DPH6: variants seen among roughly 807,000 people sequenced by gnomAD.
DPH6 encodes the protein diphthamine biosynthesis 6.
Under a neutral mutation model 38.2 loss-of-function variants are expected in DPH6, and 33 were observed. The observed-to-expected ratio is 0.86, with a 90% CI of 0.65 to 1.15. DPH6 has a LOEUF of 1.15. Among genes scored for constraint, DPH6 ranks in the 50% most tolerant of loss-of-function variants. DPH6 has a pLI of 0.00. For missense variants in DPH6, 325 were observed against 320.0 expected, an observed-to-expected ratio of 1.02 and a Z score of -0.12; for synonymous variants, 108 against 103.0, an observed-to-expected ratio of 1.05 and a Z score of -0.30.
chr15:35,193,841 C>T, the DPH6 span, among the ~76,000 whole-genome samples: 5,828 of 152,104 alleles, frequency 0.038, 121 homozygotes, highest in Middle Eastern at 0.048. Context: ...ACAGGACTTT[C>T]AAGAAGGGAA....
chr15:35,479,173 T>C (rs1366927647), intron 3 of DPH6, among the ~76,000 whole-genome samples: 1 of 152,106 alleles, frequency 6.6e-6, no homozygotes, highest in East Asian at 1.9e-4. Flanking sequence ...TCTTTTTCAC[T>C]GAGTGCAACT....
chr15:35,195,765 C>A, the DPH6 span, among the ~76,000 whole-genome samples: 1 of 152,102 alleles, frequency 6.6e-6, no homozygotes, highest in Non-Finnish European at 1.5e-5. Context: ...GTTTCCAGGA[C>A]CCTGCTCTGC....
intron 3 of DPH6, among the ~76,000 whole-genome samples, chr15:35,274,918 T>C (rs577834448): frequency 1.1e-4 from 16 of 151,012 alleles, no homozygotes; most frequent in African/African-American, 4.0e-4. Context: ...CTATAAATCA[T>C]TCTTTTTTTT....
chr15:35,542,429 T>C lies in DPH6; in HGVS notation c.102A>G (p.Arg34=). The part of the protein sequence containing the change: ...GHQIVALANL[R]PAENQVGSDE... ...TGTACTTACCTTGGTTTTCAGCTGG[T>C]CTTAGATTTGCTAAAGCAACGATCT... The change falls in exon 2 of 9, where the codon AGA becomes AGG. Residue 34 remains arginine (R), a synonymous_variant. Coordinates refer to ENST00000256538, the MANE Select transcript of DPH6 (RefSeq NM_080650.4). 1 of 1,572,052 alleles carries C rather than the reference T, an allele frequency of 6.4e-7. No homozygotes were observed. Among genetic ancestry groups the C allele is most frequent in the Non-Finnish European group, 8.7e-7 (1 of 1,147,648 alleles).
chr15:35,172,112 T>G, the DPH6 span, among the ~76,000 whole-genome samples: 97 of 152,256 alleles, frequency 6.4e-4, no homozygotes, highest in Non-Finnish European at 1.0e-3. Flanking sequence ...GTGATCCACC[T>G]GCCTTGGCCT....
intron 3 of DPH6, among the ~76,000 whole-genome samples, chr15:35,499,437 C>T (rs1294052633): frequency 6.6e-6 from 1 of 152,074 alleles, no homozygotes; most frequent in Non-Finnish European, 1.5e-5. Flanking sequence ...AAATTTGGGG[C>T]AAGTACGAAT....
At chr15:35,401,358 G>C in intron 6 of DPH6, 1 of 755,314 alleles carries the variant, frequency 1.3e-6, no homozygotes, top group Non-Finnish European at 2.4e-6. Flanking sequence ...GTGCTGATGG[G>C]TATGGCGGCA....
At chr15:35,514,910 C>T (rs1466015536) in intron 3 of DPH6, among the ~76,000 whole-genome samples, 1 of 152,032 alleles carries the variant, frequency 6.6e-6, no homozygotes, top group East Asian at 1.9e-4. Context: ...AGGGCAGATG[C>T]CAAGTCATGA....
chr15:35,231,540 G>A (rs907861928), intron 3 of DPH6, among the ~76,000 whole-genome samples: 8 of 152,172 alleles, frequency 5.3e-5, no homozygotes, highest in Non-Finnish European at 1.2e-4. Flanking sequence ...TGTTAAATTG[G>A]TGTCCTTGTT....
At chr15:35,487,365 C>T (rs149583549) in intron 3 of DPH6, among the ~76,000 whole-genome samples, 2,457 of 152,332 alleles carry the variant, frequency 0.016, 74 homozygotes, top group African/African-American at 0.057. Flanking sequence ...TCTGCCTGGA[C>T]ATCGAGGCAT....
intron 3 of DPH6, among the ~76,000 whole-genome samples, chr15:35,506,956 G>GA (rs5811858): frequency 6.6e-6 from 1 of 151,802 alleles, no homozygotes; most frequent in African/African-American, 2.4e-5. Flanking sequence ...CAGTGTCAGA[G>GA]AAAAAAAAAG....
chr15:35,374,640 T>C (rs2052756634), intron 7 of DPH6, among the ~76,000 whole-genome samples: 1 of 152,136 alleles, frequency 6.6e-6, no homozygotes, highest in Non-Finnish European at 1.5e-5. Context: ...GTATCAAATA[T>C]GTATCTTTCT....
chr15:35,515,492 T>C (rs1443201150), intron 3 of DPH6, among the ~76,000 whole-genome samples: 1 of 151,610 alleles, frequency 6.6e-6, no homozygotes, highest in Admixed American at 6.6e-5. Flanking sequence ...GAGGCCGAGG[T>C]GGGTGGATCA....
the DPH6 span, among the ~76,000 whole-genome samples, chr15:35,208,084 A>G: frequency 6.6e-6 from 1 of 152,340 alleles, no homozygotes; most frequent in Non-Finnish European, 1.5e-5. Context: ...GATAAGTAAG[A>G]AGAAATACAT....
chr15:35,340,428 A>G (rs1595488218), intron 3 of DPH6, among the ~76,000 whole-genome samples: 1 of 152,162 alleles, frequency 6.6e-6, no homozygotes, highest in Admixed American at 6.5e-5. Flanking sequence ...TCATGAAGCT[A>G]GCTGGTTATT....
At chr15:35,445,631 T>C (rs1452725080) in intron 5 of DPH6, among the ~76,000 whole-genome samples, 2 of 151,870 alleles carry the variant, frequency 1.3e-5, no homozygotes, top group African/African-American at 4.9e-5. Flanking sequence ...TCATGTATTT[T>C]ATCATTTACT....
the DPH6 span, among the ~76,000 whole-genome samples, chr15:35,179,718 G>C: frequency 6.6e-6 from 1 of 152,076 alleles, no homozygotes; most frequent in Non-Finnish European, 1.5e-5. Flanking sequence ...GGGGATGCTA[G>C]GATGGCCCTT....
the DPH6 span, among the ~76,000 whole-genome samples, chr15:35,151,031 A>C: frequency 6.6e-6 from 1 of 152,162 alleles, no homozygotes; most frequent in African/African-American, 2.4e-5. Flanking sequence ...CCCCGCGAAA[A>C]CAAAAGATAA....
At chr15:35,511,051 C>A (rs2054762664) in intron 3 of DPH6, among the ~76,000 whole-genome samples, 1 of 152,132 alleles carries the variant, frequency 6.6e-6, no homozygotes, top group South Asian at 2.1e-4. Context: ...CAACCTCAGA[C>A]CAGCGGCCTC....
Sources: allele counts gnomAD v4.1 joint callset (sites outside exome capture counted in the v4.1 genomes callset), GRCh38; gene constraint gnomAD v4.1.1; transcripts MANE v1.5; gene names NCBI Gene and HGNC (gene_info 2026-07-23, HGNC 2026-07-21).